PRKCA: variants seen among roughly 807,000 people sequenced by gnomAD.
The protein encoded by PRKCA is protein kinase C alpha.
Under a neutral mutation model 87.0 loss-of-function variants are expected in PRKCA, and 27 were observed. The observed-to-expected ratio is 0.31, with a 90% CI of 0.23 to 0.43. The LOEUF (loss-of-function observed/expected upper bound fraction) is 0.43. Among genes scored for constraint, PRKCA ranks in the 20% least tolerant of loss-of-function variants. PRKCA has a pLI of 1.00. For synonymous variants in PRKCA, 329 were observed against 311.1 expected (o/e 1.06, Z -0.61); for missense variants, 518 against 852.3 (o/e 0.61, Z 4.88).
intron 3 of PRKCA, among the ~76,000 whole-genome samples, chr17:66,629,083 G>A (rs1970935291): frequency 6.6e-6 from 1 of 152,116 alleles, no homozygotes; most frequent in Non-Finnish European, 1.5e-5. Flanking sequence ...AGGGGTTGCT[G>A]CTTGGGAAAT....
intron 2 of PRKCA, among the ~76,000 whole-genome samples, chr17:66,382,461 C>T (rs1909818561): frequency 1.3e-5 from 2 of 152,040 alleles, no homozygotes; most frequent in Admixed American, 6.6e-5. Flanking sequence ...CCACCATGCC[C>T]GGCTGATATT....
chr17:66,346,670 T>C (rs1218183894), intron 2 of PRKCA, among the ~76,000 whole-genome samples: 1 of 152,174 alleles, frequency 6.6e-6, no homozygotes, highest in East Asian at 1.9e-4. Flanking sequence ...TGGAAATCCA[T>C]TTTTATTTGA....
At chr17:66,537,397 A>G (rs1967826083) in intron 3 of PRKCA, among the ~76,000 whole-genome samples, 1 of 152,230 alleles carries the variant, frequency 6.6e-6, no homozygotes, top group African/African-American at 2.4e-5. Context: ...ATTAGGAGGT[A>G]GTGTTAAGAA....
intron 3 of PRKCA, among the ~76,000 whole-genome samples, chr17:66,518,889 A>G (rs183006597): frequency 6.6e-6 from 1 of 152,056 alleles, no homozygotes; most frequent in African/African-American, 2.4e-5. Flanking sequence ...CGTGTAAGGG[A>G]CTCCCTGAAA....
chr17:66,659,480 C>T (rs943576521), intron 5 of PRKCA, among the ~76,000 whole-genome samples: 4 of 152,042 alleles, frequency 2.6e-5, no homozygotes, highest in Non-Finnish European at 5.9e-5. Context: ...CTTTGAGAGG[C>T]GGAAGCAGAA....
intron 16 of PRKCA, among the ~76,000 whole-genome samples, chr17:66,794,816 G>T (rs922646463): frequency 1.3e-5 from 2 of 151,924 alleles, no homozygotes; most frequent in African/African-American, 4.8e-5. Context: ...TAGAGATGGG[G>T]TTTTGCCATG....
At chr17:66,789,616 A>T (rs1485420802) in intron 16 of PRKCA, among the ~76,000 whole-genome samples, 2 of 152,246 alleles carry the variant, frequency 1.3e-5, no homozygotes, top group Non-Finnish European at 2.9e-5. Flanking sequence ...AATTCACTCA[A>T]TCATCCCAGC....
At chr17:66,762,763 G>A (rs1439259023) in intron 13 of PRKCA, among the ~76,000 whole-genome samples, 1 of 152,088 alleles carries the variant, frequency 6.6e-6, no homozygotes, top group Non-Finnish European at 1.5e-5. Flanking sequence ...AGCCTCAGGA[G>A]CCTCTTCAGA....
Position 66,731,167 on chromosome 17 carries a change from A to G in PRKCA, c.919-1521A>G, listed in dbSNP as rs113519123. The stretch of plus-strand genomic sequence containing the variant: ...GGAGTTCGAGACCAGGCTGCCCAAC[A>G]TGGCGAAACCCCATCTCTACTAAAC... On this transcript the variant is annotated intron_variant, in intron 8 of 16. Coordinates refer to ENST00000413366, the MANE Select transcript of PRKCA (RefSeq NM_002737.3). Among the ~76,000 whole-genome samples the G allele has an allele frequency of 4.0e-4, 61 of 152,220 alleles. 1 individual carries two copies. The highest frequency in any genetic ancestry group is 1.4e-3 in the African/African-American group (59 of 41,526).
chr17:66,457,405 C>A (rs1914619900), intron 2 of PRKCA, among the ~76,000 whole-genome samples: 1 of 152,008 alleles, frequency 6.6e-6, no homozygotes, highest in Admixed American at 6.5e-5. Context: ...TGGTGCATCC[C>A]TCTCTTGGGG....
intron 3 of PRKCA, among the ~76,000 whole-genome samples, chr17:66,559,581 G>A (rs9893906): frequency 0.1 from 14,930 of 146,758 alleles, 980 homozygotes; most frequent in African/African-American, 0.19. Flanking sequence ...ACAAAGACAC[G>A]CAGCCGGTGA....
intron 3 of PRKCA, among the ~76,000 whole-genome samples, chr17:66,553,220 G>A (rs895871109): frequency 1.3e-5 from 2 of 152,048 alleles, no homozygotes; most frequent in Non-Finnish European, 2.9e-5. Context: ...GAGCTCAAGC[G>A]ATCCACCCGC....
intron 2 of PRKCA, among the ~76,000 whole-genome samples, chr17:66,469,565 T>C (rs1288016877): frequency 6.6e-6 from 1 of 152,230 alleles, no homozygotes; most frequent in Non-Finnish European, 1.5e-5. Context: ...TTTTTGTGGG[T>C]TTATAATTAA....
chr17:66,646,458 A>T (rs1202697370), intron 5 of PRKCA, among the ~76,000 whole-genome samples: 1 of 500 alleles, frequency 2.0e-3, no homozygotes, highest in Admixed American at 0.026. Context: ...ATTTCCTTGC[A>T]CTTGGGGTCC....
intron 2 of PRKCA, among the ~76,000 whole-genome samples, chr17:66,363,112 A>G (rs1242597180): frequency 1.3e-5 from 2 of 152,206 alleles, no homozygotes; most frequent in Admixed American, 1.3e-4. Context: ...CAGCAGTTGT[A>G]CATCCTTTCA....
At chr17:66,360,278 G>T (rs1394952782) in intron 2 of PRKCA, among the ~76,000 whole-genome samples, 1 of 152,176 alleles carries the variant, frequency 6.6e-6, no homozygotes, top group East Asian at 1.9e-4. Context: ...GGGTGACAGT[G>T]GGTATTGATC....
chr17:66,374,333 C>T (rs1001119892), intron 2 of PRKCA, among the ~76,000 whole-genome samples: 8 of 152,144 alleles, frequency 5.3e-5, no homozygotes, highest in South Asian at 2.1e-4. Context: ...CTTCAGTCCC[C>T]GGTGGGGGAG....
At chr17:66,404,866 C>T (rs1361009205) in intron 2 of PRKCA, among the ~76,000 whole-genome samples, 2 of 149,082 alleles carry the variant, frequency 1.3e-5, no homozygotes, top group East Asian at 4.0e-4. Flanking sequence ...TCTCCTGCCT[C>T]AGCCTCCTGA....
At chr17:66,496,434 A>G in intron 3 of PRKCA, 151 bp downstream of exon 3, 1 of 651,832 alleles carries the variant, frequency 1.5e-6, no homozygotes, top group Non-Finnish European at 2.7e-6. Context: ...GAGCAGATTT[A>G]TAGCCCATAT....
Sources: gnomAD v4.1 joint callset for allele counts (sites outside exome capture counted in the v4.1 genomes callset) on GRCh38, gnomAD v4.1.1 for gene constraint, MANE v1.5 for transcripts, NCBI Gene and HGNC (gene_info 2026-07-23, HGNC 2026-07-21) for gene names.